The following MAPK10 variants were observed in gnomAD, a reference collection of about 807,000 sequenced individuals.
MAPK10 encodes the protein JNK3 alpha protein kinase.
Under a neutral mutation model 59.3 loss-of-function variants are expected in MAPK10, and 25 were observed. That is an observed-to-expected ratio of 0.42 (90% CI 0.31 to 0.59). MAPK10 has a LOEUF of 0.59. Ranked by LOEUF, MAPK10 falls within the 20% of genes least tolerant of loss-of-function variation. The pLI, the probability that MAPK10 is intolerant of heterozygous loss-of-function variation, is 0.15. For missense variants in MAPK10, 351 were observed against 568.9 expected, an observed-to-expected ratio of 0.62 and a Z score of 3.90; for synonymous variants, 190 against 200.5, an observed-to-expected ratio of 0.95 and a Z score of 0.44.
At chr4:86,031,191 T>C (rs112283158) in intron 12 of MAPK10, among the ~76,000 whole-genome samples, 177 bp downstream of exon 12, 9,698 of 152,278 alleles carry the variant, frequency 0.064, 388 homozygotes, top group Non-Finnish European at 0.082. Flanking sequence ...CTTGAGCAAA[T>C]GTGACATTGC....
chr4:86,282,396 T>A (rs1020162495), intron 2 of MAPK10, among the ~76,000 whole-genome samples: 6 of 152,188 alleles, frequency 3.9e-5, no homozygotes, highest in African/African-American at 1.4e-4. Flanking sequence ...AATTTTTTAA[T>A]TCATCCTATT....
At chr4:86,500,790 C>T (rs1020701927) in intron 1 of MAPK10, among the ~76,000 whole-genome samples, 3 of 152,114 alleles carry the variant, frequency 2.0e-5, no homozygotes, top group African/African-American at 7.2e-5. Flanking sequence ...ACTGACTCAT[C>T]AGCTACTTTT....
chr4:86,548,279 C>A (rs578166827), intron 1 of MAPK10, among the ~76,000 whole-genome samples: 1 of 152,054 alleles, frequency 6.6e-6, no homozygotes, highest in African/African-American at 2.4e-5. Context: ...CCTGAGCCAG[C>A]GAGACCGCGA....
chr4:86,159,593 T>A, intron 3 of MAPK10, 126 bp from the exon 4 acceptor site: 1 of 713,270 alleles, frequency 1.4e-6, no homozygotes, highest in Middle Eastern at 3.9e-4. Context: ...TTCATGAAGT[T>A]CACATAGAAA....
chr4:86,261,556 C>T (rs1312646109), intron 2 of MAPK10, among the ~76,000 whole-genome samples: 2 of 152,256 alleles, frequency 1.3e-5, no homozygotes, highest in Admixed American at 6.5e-5. Context: ...CCTTGACAAC[C>T]TGATAAAGGA....
intron 2 of MAPK10, among the ~76,000 whole-genome samples, chr4:86,312,423 C>T (rs757760342): frequency 1.4e-3 from 207 of 151,998 alleles, no homozygotes; most frequent in Non-Finnish European, 2.6e-3. Context: ...CCTTACTCAC[C>T]GTATATATAA....
intron 11 of MAPK10, among the ~76,000 whole-genome samples, chr4:86,034,606 G>A (rs548478072): frequency 6.6e-6 from 1 of 152,274 alleles, no homozygotes; most frequent in South Asian, 2.1e-4. Context: ...TTTCAAAATT[G>A]AATAAGGTGA....
chr4:86,288,928 TA>T (rs202103787), intron 2 of MAPK10, among the ~76,000 whole-genome samples: 44,434 of 126,302 alleles, frequency 0.35, 7,685 homozygotes, highest in African/African-American at 0.53. Flanking sequence ...AAAATAAAAG[TA>T]AAAAAAAAAA....
intron 1 of MAPK10, among the ~76,000 whole-genome samples, chr4:86,592,440 C>T (rs115961574): frequency 0.014 from 2,084 of 152,288 alleles, 24 homozygotes; most frequent in South Asian, 0.03. Flanking sequence ...ATTTACAACA[C>T]TATACTTGCT....
rs142371862 is a variant in MAPK10 at position 86,422,374 on chromosome 4, C to G, written c.-122+30656G>C. Among the ~76,000 whole-genome samples, 5 of 152,296 alleles carry G rather than the reference C, an allele frequency of 3.3e-5. No individual in the cohort carries two copies. The East Asian group carries it at 9.6e-4, about 29-fold the overall frequency. On this transcript the variant is annotated intron_variant, in intron 1 of 13. Transcript: ENST00000361569. ...AGGAAGATAAAAAGAGAAGGCAATG[C>G]CTAACATGTGGGAATGACTCATTAA...
chr4:86,292,246 AT>A (rs1291110959), intron 2 of MAPK10, among the ~76,000 whole-genome samples: 18 of 152,356 alleles, frequency 1.2e-4, no homozygotes, highest in African/African-American at 3.8e-4. Context: ...GTCCAGAAAA[AT>A]ATAATGTATT....
At chr4:86,065,280 G>T (rs955281301) in intron 10 of MAPK10, 2 of 152,064 alleles carry the variant, frequency 1.3e-5, no homozygotes, top group African/African-American at 4.8e-5. Context: ...TTCAACTACT[G>T]AATTTTATTT....
intron 3 of MAPK10, among the ~76,000 whole-genome samples, chr4:86,186,380 T>A (rs1488386012): frequency 6.6e-6 from 1 of 152,100 alleles, no homozygotes; most frequent in Non-Finnish European, 1.5e-5. Context: ...ATGAGAGAGA[T>A]CAGTAAATCT....
upstream of MAPK10, among the ~76,000 whole-genome samples, chr4:86,361,858 G>A (rs1011332323): frequency 1.3e-5 from 2 of 152,130 alleles, no homozygotes; most frequent in African/African-American, 4.8e-5. Context: ...CTAGAAAGTA[G>A]AATGGTGGTT....
chr4:86,335,840 C>T (rs2869430), intron 2 of MAPK10, among the ~76,000 whole-genome samples: 110,170 of 151,972 alleles, frequency 0.72, 40,643 homozygotes, highest in South Asian at 0.9. Context: ...TGAGAATTCA[C>T]TCACTATCAT....
intron 13 of MAPK10, among the ~76,000 whole-genome samples, chr4:86,021,502 C>T (rs1746838052): frequency 6.6e-6 from 1 of 152,380 alleles, no homozygotes; most frequent in Admixed American, 6.5e-5. Flanking sequence ...GACATAAAGA[C>T]TCTCCACGTC....
In MAPK10 at chr4:86,306,852, A is replaced by G. The variant is rs998026779; in HGVS notation, c.-7+47678T>C. 6.6e-5 allele frequency among the ~76,000 whole-genome samples: 10 copies of G among 152,334 alleles called. No individual in the cohort carries two copies. The South Asian group carries it at 8.3e-4, about 13-fold the overall frequency. On this transcript the variant is annotated intron_variant, in intron 2 of 13. Coordinates refer to ENST00000641462, the MANE Select transcript of MAPK10 (RefSeq NM_138982.4). ...TGAAGGCCACGAGTACTAATGTTGC[A>G]ATAATAATTACTCTCCGTGTGCCCA...
intron 1 of MAPK10, among the ~76,000 whole-genome samples, chr4:86,481,466 A>G (rs544420386): frequency 1.3e-5 from 2 of 150,622 alleles, no homozygotes; most frequent in South Asian, 2.1e-4. Flanking sequence ...TATTATTCCC[A>G]TCCTCTAAAA....
chr4:86,475,251 AG>A (rs2149067822), intron 1 of MAPK10, among the ~76,000 whole-genome samples: 1 of 152,298 alleles, frequency 6.6e-6, no homozygotes, highest in South Asian at 2.1e-4. Flanking sequence ...GACTCGGATC[AG>A]GGGACCTTCC....
Sources: gnomAD v4.1 joint callset for allele counts (sites outside exome capture counted in the v4.1 genomes callset) on GRCh38, gnomAD v4.1.1 for gene constraint, MANE v1.5 for transcripts, NCBI Gene and HGNC (gene_info 2026-07-23, HGNC 2026-07-21) for gene names.